The following PTK2 variants were observed in gnomAD, a reference collection of about 807,000 sequenced individuals.
PTK2 encodes the protein protein tyrosine kinase 2, also known as focal adhesion kinase 1.
A neutral mutation model predicts 150.1 loss-of-function variants in PTK2; 45 were observed. The ratio of observed to expected loss-of-function variants is 0.30; its 90% CI spans 0.24 to 0.38. The LOEUF is 0.38. PTK2 is among the 10% of genes least tolerant of loss of function. The probability of loss-of-function intolerance (pLI) is 1.00; values close to 1 mark genes in which losing one functional copy is unlikely to be tolerated. For missense variants in PTK2, 919 were observed against 1,307.3 expected, an observed-to-expected ratio of 0.70 and a Z score of 4.58; for synonymous variants, 432 against 449.2, an observed-to-expected ratio of 0.96 and a Z score of 0.48.
At chr8:140,752,976 G>T (rs1377156579) in intron 16 of PTK2, among the ~76,000 whole-genome samples, 1 of 152,228 alleles carries the variant, frequency 6.6e-6, no homozygotes, top group South Asian at 2.1e-4. Flanking sequence ...ACCACACAGG[G>T]CCTTCAAGGC....
intron 17 of PTK2, 50 bp from the exon 21 acceptor site, chr8:140,746,910 T>C (rs779628808): frequency 3.7e-6 from 4 of 1,091,906 alleles, no homozygotes; most frequent in African/African-American, 1.6e-5. Flanking sequence ...TTTTTTTTTT[T>C]AGACGGAGTC....
chr8:140,705,160 C>T lies in PTK2; in HGVS notation c.2229+959G>A, dbSNP rs117454715. Among the ~76,000 whole-genome samples the T allele has an allele frequency of 6.4e-3, 973 of 152,300 alleles. 9 individuals are homozygous for T. The highest frequency in any genetic ancestry group is 0.01 in the Non-Finnish European group (701 of 68,020). Reference sequence around the variant, plus strand: ...ATTTGCTGTTCTAAACTACCACTGACATATCTTTTCCAATAAGAAAGTGCT... The same window carrying T: ...ATTTGCTGTTCTAAACTACCACTGATATATCTTTTCCAATAAGAAAGTGCT... On this transcript the variant is annotated intron_variant, in intron 24 of 31. Coordinates refer to ENST00000522684, the Ensembl canonical transcript of PTK2.
intron 7 of PTK2, among the ~76,000 whole-genome samples, chr8:140,842,707 A>G (rs2100123042): frequency 6.6e-6 from 1 of 152,132 alleles, no homozygotes; most frequent in African/African-American, 2.4e-5. Flanking sequence ...TATAACTGCA[A>G]CGAATCACTA....
At chr8:140,685,626 G>A (rs1197688270) in intron 27 of PTK2, among the ~76,000 whole-genome samples, 1 of 152,240 alleles carries the variant, frequency 6.6e-6, no homozygotes, top group African/African-American at 2.4e-5. Context: ...TGGCCAACAA[G>A]CATATGAAAA....
intron 1 of PTK2, among the ~76,000 whole-genome samples, chr8:140,974,456 G>A (rs572606316): frequency 2.6e-5 from 4 of 152,120 alleles, no homozygotes; most frequent in African/African-American, 4.8e-5. Context: ...TCTCCAGCTC[G>A]CTTTTTATGT....
chr8:140,721,896 T>C (rs2100043090), intron 22 of PTK2: 1 of 152,268 alleles, frequency 6.6e-6, no homozygotes, highest in Admixed American at 6.5e-5. Flanking sequence ...AACTAGTGCC[T>C]AACTTGCTCT....
At chr8:140,727,763 G>GT (rs2100046798) in intron 22 of PTK2, among the ~76,000 whole-genome samples, 9 of 152,006 alleles carry the variant, frequency 5.9e-5, no homozygotes, top group Non-Finnish European at 1.5e-5. Context: ...ACATCAAAAA[G>GT]ATGTGCTTGG....
chr8:140,728,824 T>C (rs1287714922), intron 22 of PTK2, among the ~76,000 whole-genome samples: 1 of 152,148 alleles, frequency 6.6e-6, no homozygotes, highest in African/African-American at 2.4e-5. Context: ...CCCGGCCAGA[T>C]TATTTATTTA....
intron 1 of PTK2, among the ~76,000 whole-genome samples, chr8:140,977,181 G>A (rs1471833929): frequency 1.3e-5 from 2 of 152,038 alleles, no homozygotes; most frequent in Non-Finnish European, 2.9e-5. Flanking sequence ...CTTAAGCCCA[G>A]GAGCTAGAGA....
chr8:140,737,824 A>G (rs1056926476), intron 21 of PTK2, among the ~76,000 whole-genome samples: 10 of 152,252 alleles, frequency 6.6e-5, no homozygotes, highest in African/African-American at 2.2e-4. Flanking sequence ...CTCTGAAAGG[A>G]TAAGTTACTT....
At chr8:140,712,027 TCAAA>T (rs1022625182) in intron 23 of PTK2, among the ~76,000 whole-genome samples, 3 of 152,190 alleles carry the variant, frequency 2.0e-5, no homozygotes, top group Non-Finnish European at 4.4e-5. Flanking sequence ...GCAGTTATTC[TCAAA>T]CATTTAATCA....
intron 12 of PTK2, among the ~76,000 whole-genome samples, chr8:140,797,469 G>GT (rs1267380734): frequency 2.6e-5 from 4 of 152,150 alleles, no homozygotes; most frequent in African/African-American, 4.8e-5. Flanking sequence ...GTAATTAAAT[G>GT]TAACAGTTCT....
At chr8:140,715,035 A>G (rs989392462) in intron 23 of PTK2, among the ~76,000 whole-genome samples, 6 of 151,886 alleles carry the variant, frequency 4.0e-5, no homozygotes, top group African/African-American at 1.4e-4. Context: ...TAAAAACTGC[A>G]TACAGGACTT....
chr8:140,831,310 T>C (rs764103798), intron 7 of PTK2, among the ~76,000 whole-genome samples: 1 of 152,188 alleles, frequency 6.6e-6, no homozygotes, highest in Non-Finnish European at 1.5e-5. Context: ...TGTGAAATAA[T>C]GCCTCTGACG....
At chr8:140,658,998 A>T (rs545160628) in exon 32 of PTK2, 3 of 227,076 alleles carry the variant, frequency 1.3e-5, no homozygotes, top group Non-Finnish European at 2.6e-5. Flanking sequence ...ACAAACAAAA[A>T]TTCCAGTCTG....
exon 32 of PTK2, chr8:140,659,033 A>G (rs1281920210): frequency 8.6e-6 from 2 of 231,336 alleles, no homozygotes; most frequent in Non-Finnish European, 1.7e-5. Flanking sequence ...GGTAGACAAA[A>G]GAATTCTCAG....
chr8:140,680,450 G>A lies in PTK2; in HGVS notation c.2563-4951C>T, dbSNP rs182951575. 3.7e-4 allele frequency among the ~76,000 whole-genome samples: 57 copies of A among 152,144 alleles called. No individual in the cohort carries two copies. The East Asian group carries it at 8.1e-3, about 22-fold the overall frequency. On this transcript the variant is annotated intron_variant, in intron 27 of 31. Coordinates refer to ENST00000522684, the Ensembl canonical transcript of PTK2. ...TTACCATGTTGGCCAGGCTGGTCTC[G>A]AACTCCTGACCTCAGGTGATCCACC... is the stretch of plus-strand genomic sequence containing the variant.
intron 3 of PTK2, 82 bp from the exon 4 acceptor site, chr8:140,879,719 C>CAAAACAAAAAA: frequency 1.0e-6 from 1 of 979,364 alleles, no homozygotes. Flanking sequence ...AAAACAAAAA[C>CAAAACAAAAAA]AAAACAAAAA....
intron 3 of PTK2, among the ~76,000 whole-genome samples, chr8:140,883,685 G>A (rs957712208): frequency 1.3e-5 from 2 of 151,942 alleles, no homozygotes; most frequent in Non-Finnish European, 2.9e-5. Flanking sequence ...CACCTAGTAC[G>A]TTTCCTCCTC....
Sources: allele counts gnomAD v4.1 joint callset (sites outside exome capture counted in the v4.1 genomes callset), GRCh38; gene constraint gnomAD v4.1.1; transcripts MANE v1.5; gene names NCBI Gene and HGNC (gene_info 2026-07-23, HGNC 2026-07-21).